ZNF529: variants seen among roughly 807,000 people sequenced by gnomAD.
ZNF529 encodes the protein zinc finger protein 529.
In ZNF529, 11 loss-of-function variants were observed where a neutral mutation model predicts 10.1. That is an observed-to-expected ratio of 1.09 (90% CI 0.69 to 1.81). The LOEUF (loss-of-function observed/expected upper bound fraction) is 1.81. ZNF529 is among the 40% of genes most tolerant of loss of function. ZNF529 has a pLI of 0.00. For synonymous variants in ZNF529, 204 were observed against 215.7 expected, an observed-to-expected ratio of 0.95 and a Z score of 0.47; for missense variants, 624 against 666.8, an observed-to-expected ratio of 0.94 and a Z score of 0.71.
At chr19:36,591,058 T>C (rs897962785) in intron 1 of ZNF529, among the ~76,000 whole-genome samples, 1 of 151,864 alleles carries the variant, frequency 6.6e-6, no homozygotes, top group Non-Finnish European at 1.5e-5. Flanking sequence ...AACAGAATTA[T>C]TGCGAGGCCA....
intron 2 of ZNF529, among the ~76,000 whole-genome samples, chr19:36,556,923 G>C (rs1320272242): frequency 6.6e-6 from 1 of 152,152 alleles, no homozygotes; most frequent in African/African-American, 2.4e-5. Context: ...TGAAAATTTT[G>C]GTGAAGGGCA....
In ZNF529 at chr19:36,547,301, T is replaced by C; in HGVS notation, c.1257A>G (p.Glu419=). The C allele has an allele frequency of 6.2e-7, 1 of 1,613,806 alleles. No individual in the cohort carries two copies. The highest frequency in any genetic ancestry group is 8.5e-7 in the Non-Finnish European group (1 of 1,179,844). The change falls in exon 5 of 5, where the codon GAA becomes GAG. Residue 419 remains glutamate (E), a synonymous_variant. Transcript: ENST00000591340. ...LTRHQRIHTG[E]KPYKCKECEK... ...CACATTCTTTACATTTATAGGGTTT[T>C]TCACCAGTATGAATCCTCTGATGTC...
chr19:36,597,304 T>G (rs1327834339), intron 1 of ZNF529, among the ~76,000 whole-genome samples: 1 of 152,240 alleles, frequency 6.6e-6, no homozygotes, highest in African/African-American at 2.4e-5. Context: ...TTTTTTGTTG[T>G]TCTTTTATTC....
At chr19:36,548,967 C>T (rs2145789220) in intron 4 of ZNF529, among the ~76,000 whole-genome samples, 1 of 152,350 alleles carries the variant, frequency 6.6e-6, no homozygotes, top group East Asian at 1.9e-4. Context: ...TGCACCACTG[C>T]ACTCTAGCCT....
intron 2 of ZNF529, among the ~76,000 whole-genome samples, chr19:36,579,325 A>T (rs182911149): frequency 2.0e-5 from 3 of 152,232 alleles, no homozygotes; most frequent in African/African-American, 4.8e-5. Context: ...AGTATCAGAT[A>T]ATAGGCCTCA....
At chr19:36,559,574 C>T (rs554915549) in intron 2 of ZNF529, among the ~76,000 whole-genome samples, 155 of 152,246 alleles carry the variant, frequency 1.0e-3, no homozygotes, top group Non-Finnish European at 1.6e-3. Flanking sequence ...CCCGAAGTGC[C>T]GGAATTACAG....
At position 36,546,115 on chromosome 19, in the gene ZNF529, GTATACATCACACACA is replaced by G. The variant is rs1600233784; in HGVS notation, c.*736_*750del. 1 of 144,864 alleles carries G rather than the reference GTATACATCACACACA, an allele frequency of 6.9e-6. No individual in the cohort carries two copies. Among genetic ancestry groups the G allele is most frequent in the Admixed American group, 7.0e-5 (1 of 14,298 alleles). The allele number at this position is 144,864 out of a possible 1,614,324, so 9.0% of individuals were successfully genotyped here. On this transcript the variant is annotated 3_prime_UTR_variant, in exon 5 of 5. Transcript: ENST00000591340. ...TGTAGTGCATGTGTGGGCATATATA[GTATACATCACACACA>G]TATACATCACACACTATATACACAC...
At position 36,546,818 on chromosome 19, in the gene ZNF529, T is replaced by A. The variant is rs770801284; in HGVS notation, c.*48A>T. 6.5e-7 allele frequency: 1 copy of A among 1,549,850 alleles called. No individual in the cohort carries two copies. Among genetic ancestry groups the A allele is most frequent in the African/African-American group, 1.4e-5 (1 of 73,056 alleles). On this transcript the variant is annotated 3_prime_UTR_variant, in exon 5 of 5. Coordinates refer to ENST00000591340, the MANE Select transcript of ZNF529 (RefSeq NM_020951.5). ...GATTACCTATTAAATCCATCCACAGTATTTTCCTGTGAAAATCAGAAATAA... is the reference window on the plus strand; with the variant it reads ...GATTACCTATTAAATCCATCCACAGAATTTTCCTGTGAAAATCAGAAATAA...
At chr19:36,583,288 C>A (rs2145249080) in intron 2 of ZNF529, among the ~76,000 whole-genome samples, 2 of 152,138 alleles carry the variant, frequency 1.3e-5, no homozygotes, top group Non-Finnish European at 2.9e-5. Flanking sequence ...AACTCCTGGG[C>A]TCAAGAAATC....
chr19:36,591,166 G>A (rs915359414), intron 1 of ZNF529, among the ~76,000 whole-genome samples: 2 of 151,420 alleles, frequency 1.3e-5, no homozygotes, highest in African/African-American at 4.9e-5. Flanking sequence ...GGGCATGGTG[G>A]TGTGCGCCTG....
chr19:36,584,849 T>C (rs758529295), intron 2 of ZNF529, among the ~76,000 whole-genome samples: 5 of 152,108 alleles, frequency 3.3e-5, no homozygotes. Context: ...AATTAGTCAT[T>C]AAGTCAAAGA....
chr19:36,587,969 G>A (rs2036618029), intron 2 of ZNF529, among the ~76,000 whole-genome samples: 1 of 152,102 alleles, frequency 6.6e-6, no homozygotes, highest in African/African-American at 2.4e-5. Context: ...CCAACATGGT[G>A]AAACCCTTTC....
chr19:36,565,712 G>A (rs2035871063), intron 2 of ZNF529, among the ~76,000 whole-genome samples: 1 of 151,852 alleles, frequency 6.6e-6, no homozygotes, highest in Admixed American at 6.6e-5. Flanking sequence ...AAAAAAGAAA[G>A]AAAAGAAAAC....
chr19:36,573,936 C>T (rs1355744091), upstream of ZNF529, among the ~76,000 whole-genome samples: 1 of 152,186 alleles, frequency 6.6e-6, no homozygotes, highest in African/African-American at 2.4e-5. Flanking sequence ...AGTTTTTGTC[C>T]GTTTTGCACC....
chr19:36,554,354 G>A (rs764462620), intron 4 of ZNF529, among the ~76,000 whole-genome samples: 16 of 152,204 alleles, frequency 1.1e-4, no homozygotes, highest in Middle Eastern at 3.4e-3. Flanking sequence ...CAAGGTGGGC[G>A]AATCACAAGG....
rs182664180 is a variant in ZNF529 at position 36,562,474 on chromosome 19, G to T, written c.15-6277C>A. On this transcript the variant is annotated intron_variant, in intron 2 of 4. Coordinates refer to ENST00000591340, the MANE Select transcript of ZNF529 (RefSeq NM_020951.5). ...TACATGAGAAAGACATGAATATAGGGGGGGTCCAGGGGCAGAATGTAACAT... is the reference window on the plus strand; with the variant it reads ...TACATGAGAAAGACATGAATATAGGTGGGGTCCAGGGGCAGAATGTAACAT... Among the ~76,000 whole-genome samples, 382 of 152,120 alleles carry T rather than the reference G, an allele frequency of 2.5e-3. 1 individual carries two copies. Among genetic ancestry groups the T allele is most frequent in the African/African-American group, 8.6e-3 (357 of 41,498 alleles).
At chr19:36,577,280 AT>A (rs1343466607), upstream of ZNF529, 1 of 402,234 alleles carries the variant, frequency 2.5e-6, no homozygotes, top group Non-Finnish European at 5.0e-6. Flanking sequence ...TCGAAGTAGA[AT>A]AGGTAGATCA....
upstream of ZNF529, chr19:36,577,075 C>T (rs2036340294): frequency 2.5e-6 from 1 of 401,876 alleles, no homozygotes; most frequent in African/African-American, 2.1e-5. Context: ...ATTTCAGTCT[C>T]CTGAGTAGCT....
At chr19:36,575,326 CAG>C (rs762286115), upstream of ZNF529, among the ~76,000 whole-genome samples, 4 of 152,154 alleles carry the variant, frequency 2.6e-5, no homozygotes, top group Non-Finnish European at 5.9e-5. Context: ...TTCTAGATGA[CAG>C]GGTTGCATTA....
Sources: gnomAD v4.1 joint callset for allele counts (sites outside exome capture counted in the v4.1 genomes callset) on GRCh38, gnomAD v4.1.1 for gene constraint, MANE v1.5 for transcripts, NCBI Gene and HGNC (gene_info 2026-07-23, HGNC 2026-07-21) for gene names.